The following TPD52 variants were observed in gnomAD, a reference collection of about 807,000 sequenced individuals.
TPD52 encodes tumor protein D52.
In TPD52, 17 loss-of-function variants were observed where a neutral mutation model predicts 31.3. That is an observed-to-expected ratio of 0.54 (90% CI 0.37 to 0.82). The LOEUF is 0.82. Ranked by LOEUF, TPD52 falls within the 40% of genes least tolerant of loss-of-function variation. TPD52 has a pLI of 0.00. For missense variants in TPD52, 212 were observed against 240.1 expected (o/e 0.88, Z 0.77); for synonymous variants, 83 against 89.6 (o/e 0.93, Z 0.42).
At chr8:80,127,811 C>T (rs1459218473) in intron 1 of TPD52, 2 of 126,488 alleles carry the variant, frequency 1.6e-5, no homozygotes, top group African/African-American at 2.7e-5. Context: ...CACACACACA[C>T]ACACACACAC....
At chr8:80,099,879 G>A (rs1239324658) in intron 1 of TPD52, among the ~76,000 whole-genome samples, 1 of 152,162 alleles carries the variant, frequency 6.6e-6, no homozygotes, top group African/African-American at 2.4e-5. Flanking sequence ...ACAAGTTTAA[G>A]GCCTACATTT....
chr8:80,098,668 C>T (rs921948393), intron 1 of TPD52, among the ~76,000 whole-genome samples: 8 of 152,146 alleles, frequency 5.3e-5, no homozygotes, highest in East Asian at 1.9e-4. Context: ...GTGAAGATGC[C>T]GTAAACACTG....
chr8:80,052,814 C>T (rs935818520), intron 3 of TPD52: 2 of 316,232 alleles, frequency 6.3e-6, no homozygotes, highest in East Asian at 1.2e-4. Flanking sequence ...TTGATACCTA[C>T]ACAACAAGGT....
chr8:80,155,752 G>A (rs35401584), intron 1 of TPD52, among the ~76,000 whole-genome samples: 68,508 of 151,594 alleles, frequency 0.45, 15,731 homozygotes, highest in East Asian at 0.72. Flanking sequence ...GCATGGTGGC[G>A]TGTGCCTGTA....
chr8:80,155,425 C>A (rs548375219), intron 1 of TPD52, among the ~76,000 whole-genome samples: 29 of 152,182 alleles, frequency 1.9e-4, no homozygotes, highest in African/African-American at 6.7e-4. Context: ...ATTTATGAAT[C>A]CTCAAACCAG....
chr8:80,062,125 A>G (rs1450781417), intron 2 of TPD52, among the ~76,000 whole-genome samples: 1 of 152,256 alleles, frequency 6.6e-6, no homozygotes, highest in African/African-American at 2.4e-5. Context: ...TTTAAAAAGA[A>G]GAAAAAGGTA....
chr8:80,139,151 C>G (rs985597049), intron 1 of TPD52, among the ~76,000 whole-genome samples: 1 of 152,164 alleles, frequency 6.6e-6, no homozygotes, highest in African/African-American at 2.4e-5. Flanking sequence ...CCTGTATTTA[C>G]TGAATGGCTG....
chr8:80,080,430 T>A, intron 1 of TPD52: 2 of 1,614,188 alleles, frequency 1.2e-6, no homozygotes, highest in Non-Finnish European at 1.7e-6. Context: ...AGTCCTCATA[T>A]AAGTCCATCT....
chr8:80,116,775 G>A (rs1425404286), intron 1 of TPD52, among the ~76,000 whole-genome samples: 1 of 91,526 alleles, frequency 1.1e-5, no homozygotes, highest in African/African-American at 5.8e-5. Context: ...ATCTAGGAAT[G>A]TTAAAAAAAA....
chr8:80,052,430 TA>T (rs1453192015), intron 3 of TPD52, among the ~76,000 whole-genome samples: 1 of 152,090 alleles, frequency 6.6e-6, no homozygotes, highest in Admixed American at 6.5e-5. Context: ...CAAATACCAA[TA>T]AAAAAACATG....
At chr8:80,087,144 T>TC (rs531130629) in intron 1 of TPD52, among the ~76,000 whole-genome samples, 30 of 151,994 alleles carry the variant, frequency 2.0e-4, no homozygotes, top group Admixed American at 1.4e-3. Context: ...CCTTTTTTTT[T>TC]CCCCCCATCA....
chr8:80,160,889 C>CAAAAAAAA (rs58923055), intron 1 of TPD52, among the ~76,000 whole-genome samples: 73 of 95,040 alleles, frequency 7.7e-4, no homozygotes, highest in African/African-American at 8.7e-4. Context: ...ACTAAAAATA[C>CAAAAAAAA]AAAAAAAAAA....
At chr8:80,157,048 G>C (rs1047297250) in intron 1 of TPD52, among the ~76,000 whole-genome samples, 1 of 152,168 alleles carries the variant, frequency 6.6e-6, no homozygotes, top group African/African-American at 2.4e-5. Context: ...CCAGTGATTT[G>C]AGGTTCCCGC....
chr8:80,068,382 A>C (rs1231286118), intron 1 of TPD52, among the ~76,000 whole-genome samples: 2 of 152,216 alleles, frequency 1.3e-5, no homozygotes, highest in Non-Finnish European at 2.9e-5. Flanking sequence ...CAGGACAAGG[A>C]AACAGGGCCT....
intron 1 of TPD52, among the ~76,000 whole-genome samples, chr8:80,114,963 G>C (rs1807760212): frequency 6.6e-6 from 1 of 152,188 alleles, no homozygotes; most frequent in East Asian, 1.9e-4. Context: ...ACTGACGCTA[G>C]CTAACTGAGG....
intron 6 of TPD52, among the ~76,000 whole-genome samples, chr8:80,043,142 T>C (rs1217210212): frequency 1.6e-4 from 25 of 152,124 alleles, no homozygotes; most frequent in Non-Finnish European, 5.9e-5. Flanking sequence ...TGAGGTTCAA[T>C]ATCAGGGAGC....
chr8:80,161,232 T>A (rs925290078), intron 1 of TPD52, among the ~76,000 whole-genome samples: 2 of 152,220 alleles, frequency 1.3e-5, no homozygotes, highest in Non-Finnish European at 2.9e-5. Context: ...CATTCTTACA[T>A]ACCTGCCTTA....
intron 1 of TPD52, among the ~76,000 whole-genome samples, chr8:80,074,951 G>A (rs116140785): frequency 0.015 from 2,334 of 152,230 alleles, 61 homozygotes; most frequent in African/African-American, 0.052. Flanking sequence ...CTCCTCACAA[G>A]CGTAAGGGGA....
chr8:80,102,732 T>C (rs942315547), intron 1 of TPD52, among the ~76,000 whole-genome samples: 2 of 152,098 alleles, frequency 1.3e-5, no homozygotes, highest in African/African-American at 4.8e-5. Flanking sequence ...TGGGGGTTCC[T>C]AGATAGCCTC....
Sources: gnomAD v4.1 joint callset for allele counts (sites outside exome capture counted in the v4.1 genomes callset) on GRCh38, gnomAD v4.1.1 for gene constraint, MANE v1.5 for transcripts, NCBI Gene and HGNC (gene_info 2026-07-23, HGNC 2026-07-21) for gene names.